MARCHF1: variants seen among roughly 807,000 people sequenced by gnomAD.
MARCHF1 encodes the protein membrane associated ring-CH-type finger 1.
MARCHF1 carries 40 observed loss-of-function variants against 54.2 expected under a neutral mutation model. That is an observed-to-expected ratio of 0.74 (90% CI 0.57 to 0.96). The LOEUF is 0.96. MARCHF1 is among the 40% of genes least tolerant of loss of function. The probability of loss-of-function intolerance (pLI) is 0.00; values close to 1 mark genes in which losing one functional copy is unlikely to be tolerated. For synonymous variants in MARCHF1, 236 were observed against 236.3 expected (o/e 1.00, Z 0.01); for missense variants, 586 against 656.5 (o/e 0.89, Z 1.17).
At chr4:164,341,279 C>A (rs1323822683) in intron 1 of MARCHF1, among the ~76,000 whole-genome samples, 24 of 146,438 alleles carry the variant, frequency 1.6e-4, no homozygotes, top group Middle Eastern at 3.5e-3. Context: ...AAAGCAAAAA[C>A]AAAAAAAAAA....
At chr4:163,718,826 C>G (rs575440677) in intron 4 of MARCHF1, among the ~76,000 whole-genome samples, 1 of 152,182 alleles carries the variant, frequency 6.6e-6, no homozygotes, top group African/African-American at 2.4e-5. Flanking sequence ...TCCTATTTAA[C>G]TCCAACCTCA....
chr4:164,125,755 T>A (rs1460484743), intron 1 of MARCHF1, among the ~76,000 whole-genome samples: 1 of 152,198 alleles, frequency 6.6e-6, no homozygotes, highest in Admixed American at 6.5e-5. Flanking sequence ...TCAGCATTAC[T>A]GTCTGAGCTC....
rs1425063771 is a variant in MARCHF1, at chr4:164,145,059, C to G, written c.-322-33397G>C. On this transcript the variant is annotated intron_variant, in intron 1 of 9. Coordinates refer to ENST00000514618, the MANE Select transcript of MARCHF1 (RefSeq NM_001394959.1). ...CTACAAACACCTCTACGCAAATAAA[C>G]TAGAAAATCTAGAAGAAATGGATAC... Among the ~76,000 whole-genome samples, 17 of 143,750 alleles carry G rather than the reference C, an allele frequency of 1.2e-4. No individual in the cohort carries two copies. The East Asian group carries it at 3.4e-3, about 29-fold the overall frequency. The allele number at this position is 143,750 out of a possible 152,430, so 94.3% of individuals were successfully genotyped here. A position where few individuals can be genotyped will look rare whatever the true frequency, so the allele number is the denominator to read the frequency against.
chr4:163,917,870 A>T (rs1416461143), intron 3 of MARCHF1, among the ~76,000 whole-genome samples: 1 of 152,120 alleles, frequency 6.6e-6, no homozygotes, highest in Non-Finnish European at 1.5e-5. Context: ...GGCTCTGATG[A>T]AAGTTTCTTT....
In MARCHF1 at chr4:163,929,973, A is replaced by AATATATTATATATAAATATAT. The variant is rs1560823848; in HGVS notation, c.-39+58527_-39+58528insATATATTTATATATAATATAT. 6.5e-3 allele frequency among the ~76,000 whole-genome samples: 821 copies of AATATATTATATATAAATATAT among 125,360 alleles called. 32 individuals carry two copies. Among genetic ancestry groups the AATATATTATATATAAATATAT allele is most frequent in the African/African-American group, 0.024 (787 of 32,460 alleles). 82.2% of individuals were successfully genotyped at this position (125,360 alleles called of 152,430 possible). On this transcript the variant is annotated intron_variant, in intron 3 of 9. Coordinates refer to ENST00000514618, the MANE Select transcript of MARCHF1 (RefSeq NM_001394959.1). Reference sequence around the variant, plus strand: ...ATATATATTATATATAATATATATAATATATATAATATATATATAATATAT... The same window carrying AATATATTATATATAAATATAT: ...ATATATATTATATATAATATATATAAATATATTATATATAAATATATTATATATAATATATATATAATATAT...
chr4:163,671,007 C>CTCT (rs1743717452), intron 5 of MARCHF1, among the ~76,000 whole-genome samples: 1 of 152,132 alleles, frequency 6.6e-6, no homozygotes, highest in South Asian at 2.1e-4. Flanking sequence ...TTGATTTCAC[C>CTCT]TCTTCTGAGT....
At chr4:164,334,780 G>A (rs1347986097) in intron 1 of MARCHF1, among the ~76,000 whole-genome samples, 1 of 152,166 alleles carries the variant, frequency 6.6e-6, no homozygotes, top group Non-Finnish European at 1.5e-5. Context: ...AAACTTTCTG[G>A]AAAGGATTTG....
intron 1 of MARCHF1, among the ~76,000 whole-genome samples, chr4:164,154,209 A>T (rs1730015679): frequency 6.8e-6 from 1 of 147,018 alleles, no homozygotes; most frequent in Non-Finnish European, 1.5e-5. Flanking sequence ...GCCATTTGCC[A>T]TTAGGCCATT....
At chr4:164,346,894 T>A (rs1730122060) in intron 1 of MARCHF1, among the ~76,000 whole-genome samples, 1 of 151,976 alleles carries the variant, frequency 6.6e-6, no homozygotes, top group Admixed American at 6.6e-5. Flanking sequence ...TCTTTAAACA[T>A]CTTTAGGAAA....
chr4:164,105,865 A>C (rs1431059593), intron 2 of MARCHF1, among the ~76,000 whole-genome samples: 1 of 146,844 alleles, frequency 6.8e-6, no homozygotes, highest in Non-Finnish European at 1.5e-5. Context: ...CAACCTACTC[A>C]TCTGACAAAG....
intron 1 of MARCHF1, among the ~76,000 whole-genome samples, chr4:164,297,392 G>C (rs527814223): frequency 2.0e-5 from 3 of 152,230 alleles, no homozygotes; most frequent in Middle Eastern, 3.4e-3. Flanking sequence ...ATGGACCCCT[G>C]ATGTGAGGCT....
chr4:163,813,246 G>C (rs1231816359), intron 4 of MARCHF1, among the ~76,000 whole-genome samples: 1 of 152,182 alleles, frequency 6.6e-6, no homozygotes, highest in Non-Finnish European at 1.5e-5. Flanking sequence ...GTAATGGGTA[G>C]AGGAGCTAAA....
At chr4:164,034,542 C>A (rs1164964576) in intron 2 of MARCHF1, among the ~76,000 whole-genome samples, 1 of 152,000 alleles carries the variant, frequency 6.6e-6, no homozygotes, top group East Asian at 1.9e-4. Context: ...ATTTATGATT[C>A]CAAATTTTGA....
At chr4:164,157,173 A>T (rs939868483) in intron 1 of MARCHF1, among the ~76,000 whole-genome samples, 2 of 151,654 alleles carry the variant, frequency 1.3e-5, no homozygotes, top group Non-Finnish European at 2.9e-5. Flanking sequence ...TATTTACAAT[A>T]TTAAAAGATA....
chr4:163,837,456 TATA>T (rs1749220957), intron 4 of MARCHF1, among the ~76,000 whole-genome samples: 1 of 152,162 alleles, frequency 6.6e-6, no homozygotes, highest in South Asian at 2.1e-4. Flanking sequence ...ACAACTTAAA[TATA>T]ATGACAGAGA....
At chr4:164,176,964 CTCTCTCTCTCTCTCTCTATATATATA>C (rs1253791990) in intron 1 of MARCHF1, among the ~76,000 whole-genome samples, 3 of 47,728 alleles carry the variant, frequency 6.3e-5, no homozygotes, top group African/African-American at 3.3e-4. Context: ...CTCTCTCTCT[CTCTCTCTCTCTCTCTCTATATATATA>C]TATATATATA....
chr4:163,752,712 G>C (rs1357930199), intron 4 of MARCHF1, among the ~76,000 whole-genome samples: 1 of 152,052 alleles, frequency 6.6e-6, no homozygotes, highest in Non-Finnish European at 1.5e-5. Context: ...AGTCTAAATA[G>C]GTAATCAAAG....
intron 1 of MARCHF1, among the ~76,000 whole-genome samples, chr4:164,124,106 T>C (rs1756131753): frequency 6.8e-6 from 1 of 146,834 alleles, no homozygotes; most frequent in African/African-American, 2.7e-5. Flanking sequence ...TGAATAGATA[T>C]TTCTCAAAAG....
intron 4 of MARCHF1, among the ~76,000 whole-genome samples, chr4:163,716,744 C>G (rs1745270177): frequency 6.6e-6 from 1 of 152,120 alleles, no homozygotes; most frequent in South Asian, 2.1e-4. Flanking sequence ...ACCTAACAAT[C>G]AAAATGCACA....
Sources: allele counts gnomAD v4.1 joint callset (sites outside exome capture counted in the v4.1 genomes callset), GRCh38; gene constraint gnomAD v4.1.1; transcripts MANE v1.5; gene names NCBI Gene and HGNC (gene_info 2026-07-23, HGNC 2026-07-21).